Variants in WWC1 observed in about 807,000 individuals in gnomAD.
WWC1 encodes WW and C2 domain containing 1.
In WWC1, 55 loss-of-function variants were observed where a neutral mutation model predicts 138.4. That is an observed-to-expected ratio of 0.40 (90% CI 0.32 to 0.50). The LOEUF (loss-of-function observed/expected upper bound fraction) is 0.50. Ranked by LOEUF, WWC1 falls within the 20% of genes least tolerant of loss-of-function variation. WWC1 has a pLI of 0.72. For synonymous variants in WWC1, 524 were observed against 564.9 expected, an observed-to-expected ratio of 0.93 and a Z score of 1.03; for missense variants, 1,226 against 1,420.4, an observed-to-expected ratio of 0.86 and a Z score of 2.20.
chr5:168,447,670 A>G (rs977668080), intron 17 of WWC1, among the ~76,000 whole-genome samples: 3 of 150,920 alleles, frequency 2.0e-5, no homozygotes, highest in South Asian at 2.1e-4. Context: ...CTCTCTTACT[A>G]TTTTTTTCAT....
intron 17 of WWC1, among the ~76,000 whole-genome samples, chr5:168,451,721 G>C (rs1755831867): frequency 6.6e-6 from 1 of 150,906 alleles, no homozygotes; most frequent in Non-Finnish European, 1.5e-5. Flanking sequence ...TAAAAACAAA[G>C]AAAGAAAAAA....
chr5:168,428,900 C>T (rs375854737), intron 13 of WWC1, 113 bp downstream of exon 13: 5 of 1,068,868 alleles, frequency 4.7e-6, no homozygotes. Context: ...AAGGCAGCAC[C>T]AGCAGGACCT....
At chr5:168,351,419 A>G (rs962610343) in intron 1 of WWC1, among the ~76,000 whole-genome samples, 1 of 152,206 alleles carries the variant, frequency 6.6e-6, no homozygotes, top group East Asian at 1.9e-4. Flanking sequence ...CATCATATAC[A>G]CATGGGAAAT....
rs185850709 is a variant in WWC1 at position 168,373,907 on chromosome 5, G to A, written c.229+2374G>A. ...TAAAAATACAAAAAATTAGCTGGGC[G>A]TGGTGGCGGGCATCTGTAATCCCAG... On this transcript the variant is annotated intron_variant, in intron 2 of 22. Coordinates refer to ENST00000265293, the MANE Select transcript of WWC1 (RefSeq NM_015238.3). Among the ~76,000 whole-genome samples the A allele has an allele frequency of 3.0e-3, 461 of 151,794 alleles. 4 individuals carry two copies. The highest frequency in any genetic ancestry group is 0.011 in the African/African-American group (445 of 41,402).
chr5:168,374,817 C>T lies in WWC1; in HGVS notation c.229+3284C>T, dbSNP rs529608245. On this transcript the variant is annotated intron_variant, in intron 2 of 22. Transcript: ENST00000265293. ...ATGCCACAGTCCAGGCGCCCTAGAC[C>T]TGGGCTGTAGCAATGGTCAGGGTGA... 3.9e-5 allele frequency among the ~76,000 whole-genome samples: 6 copies of T among 152,316 alleles called. No individual in the cohort carries two copies. In the East Asian group the frequency reaches 1.2e-3, roughly 29 times the overall value.
At chr5:168,309,345 G>C (rs1345562983) in intron 1 of WWC1, among the ~76,000 whole-genome samples, 2 of 146,456 alleles carry the variant, frequency 1.4e-5, no homozygotes, top group African/African-American at 5.5e-5. Flanking sequence ...ATCCAGTCCT[G>C]GTCTCAAACA....
rs1169795619 is a variant in WWC1, at chr5:168,422,086, C to T, written c.1263C>T (p.Ser421=). Residue 421 remains serine, a synonymous_variant, in exon 10 of 23, where the codon TCC becomes TCT. Transcript: ENST00000265293. ...EATRQVATLH[S]QLKSLSSSMQ... is the part of the protein sequence containing the mutation. ...CCCGGCAGGTGGCAACTCTGCACTCCCAGCTGAAAAGGTGAGTGGTGGGCG... is the reference window on the plus strand; with the variant it reads ...CCCGGCAGGTGGCAACTCTGCACTCTCAGCTGAAAAGGTGAGTGGTGGGCG... The T allele has an allele frequency of 1.9e-6, 3 of 1,612,748 alleles. No individual in the cohort carries two copies. Among genetic ancestry groups the T allele is most frequent in the Admixed American group, 1.7e-5 (1 of 59,964 alleles).
chr5:168,451,176 A>T (rs1204445466), intron 17 of WWC1, among the ~76,000 whole-genome samples: 2 of 151,918 alleles, frequency 1.3e-5, no homozygotes, highest in East Asian at 3.9e-4. Context: ...ATGCCACCAC[A>T]CCTGGCTAAT....
At chr5:168,465,634 G>GCA (rs199885402) in intron 21 of WWC1, among the ~76,000 whole-genome samples, 2,883 of 133,462 alleles carry the variant, frequency 0.022, 44 homozygotes, top group South Asian at 0.06. Flanking sequence ...ATGGCTCACT[G>GCA]CAACCTCCAC....
intron 1 of WWC1, among the ~76,000 whole-genome samples, chr5:168,325,669 A>G (rs1456013816): frequency 6.6e-6 from 1 of 152,214 alleles, no homozygotes; most frequent in African/African-American, 2.4e-5. Context: ...TAAAATATAC[A>G]TAACATAAAA....
At chr5:168,323,632 G>A (rs973611930) in intron 1 of WWC1, among the ~76,000 whole-genome samples, 1 of 152,074 alleles carries the variant, frequency 6.6e-6, no homozygotes, top group Non-Finnish European at 1.5e-5. Context: ...AGCAATTTGT[G>A]GGACATTATT....
chr5:168,307,915 C>T (rs1770727102), intron 1 of WWC1, among the ~76,000 whole-genome samples: 1 of 152,112 alleles, frequency 6.6e-6, no homozygotes, highest in Admixed American at 6.6e-5. Flanking sequence ...CGGCCAATTT[C>T]ACCCTTCTTT....
Position 168,371,494 on chromosome 5 carries a change from G to A in WWC1, c.190G>A (p.Asp64Asn), listed in dbSNP as rs1776748379. The change falls in exon 2 of 23, where the codon GAC becomes AAC. Residue 64 changes from aspartate (D) to asparagine (N), a missense_variant. Asp to Asn is a conservative substitution (Grantham distance 23). This residue lies in a region of WWC1 where 1,016 missense variants were observed against 1,153.9 expected (regional missense o/e 0.88). Transcript: ENST00000265293. ...ELPLGWEEAY[D>N]PQVGDYFIDH... ...GCCGCTAGGATGGGAAGAGGCATAT[G>A]ACCCACAGGTTGGAGATTACTTCAT... 1 of 1,613,932 alleles carries A rather than the reference G, an allele frequency of 6.2e-7. No individual in the cohort carries two copies. The highest frequency in any genetic ancestry group is 1.3e-5 in the African/African-American group (1 of 74,890).
chr5:168,465,333 T>C (rs12515835), intron 21 of WWC1, among the ~76,000 whole-genome samples: 18,721 of 152,010 alleles, frequency 0.12, 1,966 homozygotes, highest in East Asian at 0.27. Context: ...CTGACCTGCC[T>C]CGATGCCTGC....
intron 11 of WWC1, among the ~76,000 whole-genome samples, chr5:168,425,286 G>A (rs998640043): frequency 6.6e-6 from 1 of 152,128 alleles, no homozygotes; most frequent in African/African-American, 2.4e-5. Flanking sequence ...AACCCCATCT[G>A]GCTCTGGGTG....
rs143121245 is a variant in WWC1, at chr5:168,302,281, G to A, written c.119+10010G>A. 3.5e-3 allele frequency among the ~76,000 whole-genome samples: 538 copies of A among 152,346 alleles called. 4 individuals are homozygous for A. The highest frequency in any genetic ancestry group is 0.012 in the African/African-American group (505 of 41,578). The stretch of plus-strand genomic sequence containing the variant: ...GGCATTTATCACGTCCCACCCAGCG[G>A]GGGGTTGGCCATTCACTCAGCAGGT... On this transcript the variant is annotated intron_variant, in intron 1 of 22. Transcript: ENST00000265293.
In WWC1 at chr5:168,424,032, G is replaced by A. The variant is rs748193561; in HGVS notation, c.1774G>A (p.Glu592Lys). ...CAGCGCCCAGGAAAGATACCGGCTG[G>A]AGGAACCAGGAACGGAGGGCAAGCA... is the stretch of plus-strand genomic sequence containing the variant. ...GNSAQERYRL[E>K]EPGTEGKQLG... The change falls in exon 11 of 23, where the codon GAG (glutamate) becomes AAG (lysine). Residue 592 changes from glutamate to lysine, a missense_variant. Around this residue, in one of 3 missense-constraint regions of WWC1, gnomAD observed 1,016 missense variants for 1,153.9 expected, o/e 0.88. Coordinates refer to ENST00000265293, the MANE Select transcript of WWC1 (RefSeq NM_015238.3). 2.8e-5 allele frequency: 45 copies of A among 1,610,726 alleles called. No homozygotes were observed. The highest frequency in any genetic ancestry group is 3.6e-5 in the Non-Finnish European group (42 of 1,178,410).
chr5:168,299,662 C>T (rs894920260), intron 1 of WWC1, among the ~76,000 whole-genome samples: 8 of 152,224 alleles, frequency 5.3e-5, no homozygotes, highest in Non-Finnish European at 8.8e-5. Context: ...GAGAAGAACA[C>T]TGCCCTTTTG....
intron 15 of WWC1, among the ~76,000 whole-genome samples, chr5:168,435,145 A>G (rs1455437264): frequency 6.6e-6 from 1 of 152,114 alleles, no homozygotes; most frequent in African/African-American, 2.4e-5. Flanking sequence ...TGACTAATTC[A>G]TACTTCTCTC....
Sources: allele counts gnomAD v4.1 joint callset (sites outside exome capture counted in the v4.1 genomes callset), GRCh38; gene constraint gnomAD v4.1.1; regional missense constraint gnomAD v4.1.1; transcripts MANE v1.5; gene names NCBI Gene and HGNC (gene_info 2026-07-23, HGNC 2026-07-21).